Variants in CPPED1 observed in about 807,000 individuals in gnomAD.
CPPED1 encodes serine/threonine-protein phosphatase CPPED1.
CPPED1 carries 28 observed loss-of-function variants against 28.0 expected under a neutral mutation model. The observed-to-expected ratio is 1.00, with a 90% CI of 0.74 to 1.37. CPPED1 has a LOEUF of 1.37. CPPED1 is among the 40% of genes most tolerant of loss of function. The probability of loss-of-function intolerance (pLI) is 0.00; values close to 1 mark genes in which losing one functional copy is unlikely to be tolerated. For synonymous variants in CPPED1, 198 were observed against 180.2 expected (o/e 1.10, Z -0.79); for missense variants, 504 against 416.5 (o/e 1.21, Z -1.83).
At chr16:12,752,778 G>C (rs2080338560) in intron 2 of CPPED1, among the ~76,000 whole-genome samples, 1 of 147,808 alleles carries the variant, frequency 6.8e-6, no homozygotes, top group Non-Finnish European at 1.5e-5. Flanking sequence ...TTTGGAGCTA[G>C]TAGAAATTAT....
intron 2 of CPPED1, among the ~76,000 whole-genome samples, chr16:12,731,235 G>A (rs1345706196): frequency 6.6e-6 from 1 of 150,664 alleles, no homozygotes. Flanking sequence ...CTCACTGCAA[G>A]CTCCACCCCC....
chr16:12,802,997 A>G (rs1449718143), intron 1 of CPPED1, among the ~76,000 whole-genome samples: 1 of 152,234 alleles, frequency 6.6e-6, no homozygotes, highest in Non-Finnish European at 1.5e-5. Context: ...GGAATCAACA[A>G]ACCAGAAACA....
intron 2 of CPPED1, among the ~76,000 whole-genome samples, chr16:12,762,522 A>C (rs1011766048): frequency 1.3e-5 from 2 of 152,218 alleles, no homozygotes; most frequent in African/African-American, 4.8e-5. Context: ...AATATTATTC[A>C]ACAACAGCTA....
chr16:12,741,520 G>A (rs555395352), intron 2 of CPPED1, among the ~76,000 whole-genome samples: 206 of 152,104 alleles, frequency 1.4e-3, no homozygotes, highest in Non-Finnish European at 2.5e-3. Flanking sequence ...GGAATTAGAT[G>A]GACACCATTA....
chr16:12,743,534 A>C (rs993826616), intron 2 of CPPED1, among the ~76,000 whole-genome samples: 2 of 152,242 alleles, frequency 1.3e-5, no homozygotes, highest in Non-Finnish European at 2.9e-5. Flanking sequence ...TTTTAAAATG[A>C]AAAGAAAAAT....
intron 2 of CPPED1, among the ~76,000 whole-genome samples, chr16:12,742,722 T>C (rs997947215): frequency 2.0e-5 from 3 of 152,148 alleles, no homozygotes; most frequent in Admixed American, 2.0e-4. Context: ...AGTTATTTTA[T>C]TATCAGTGGG....
At chr16:12,751,811 T>A (rs996164851) in intron 2 of CPPED1, among the ~76,000 whole-genome samples, 1 of 152,240 alleles carries the variant, frequency 6.6e-6, no homozygotes, top group African/African-American at 2.4e-5. Context: ...CTTTAGACTA[T>A]TTTTGGTGTT....
At chr16:12,738,517 T>C (rs182176491) in intron 2 of CPPED1, among the ~76,000 whole-genome samples, 1 of 152,288 alleles carries the variant, frequency 6.6e-6, no homozygotes. Flanking sequence ...AGTTCACAAA[T>C]GTGTAACTGT....
chr16:12,793,088 T>C (rs942874527), intron 1 of CPPED1, among the ~76,000 whole-genome samples: 1 of 152,336 alleles, frequency 6.6e-6, no homozygotes, highest in Non-Finnish European at 1.5e-5. Context: ...TCTGAGCACC[T>C]GCTCTATGGC....
chr16:12,712,570 T>C (rs1437474445), intron 2 of CPPED1, among the ~76,000 whole-genome samples: 1 of 152,154 alleles, frequency 6.6e-6, no homozygotes, highest in Non-Finnish European at 1.5e-5. Context: ...GAATAGATAA[T>C]ATGTATAGAG....
At chr16:12,673,386 T>C (rs1421363730) in intron 3 of CPPED1, among the ~76,000 whole-genome samples, 1 of 152,262 alleles carries the variant, frequency 6.6e-6, no homozygotes, top group Non-Finnish European at 1.5e-5. Flanking sequence ...ATTATGTTTA[T>C]GAGATTTGGC....
chr16:12,756,390 C>G (rs376688224), intron 2 of CPPED1, among the ~76,000 whole-genome samples: 1 of 152,172 alleles, frequency 6.6e-6, no homozygotes, highest in East Asian at 1.9e-4. Context: ...GCTGTGGCAG[C>G]AGAGATGCAT....
intron 2 of CPPED1, among the ~76,000 whole-genome samples, chr16:12,767,845 T>C (rs933296795): frequency 6.6e-6 from 1 of 151,992 alleles, no homozygotes; most frequent in South Asian, 2.1e-4. Flanking sequence ...TAGTCCCAGT[T>C]ACTTGGGAGG....
chr16:12,691,850 C>T (rs113629475), intron 3 of CPPED1, among the ~76,000 whole-genome samples: 17,885 of 131,920 alleles, frequency 0.14, 2,565 homozygotes, highest in African/African-American at 0.34. Flanking sequence ...CATTAGGAGA[C>T]ATGCCTAATG....
intron 1 of CPPED1, among the ~76,000 whole-genome samples, chr16:12,785,012 CTAATGAGG>C (rs574519771): frequency 1.4e-3 from 209 of 152,312 alleles, no homozygotes; most frequent in African/African-American, 4.8e-3. Context: ...CCTTACTTAT[CTAATGAGG>C]TAATTTGTTT....
At chr16:12,700,237 T>C (rs1288799501) in intron 3 of CPPED1, among the ~76,000 whole-genome samples, 1 of 152,052 alleles carries the variant, frequency 6.6e-6, no homozygotes, top group Admixed American at 6.5e-5. Context: ...CAAGAAGAGG[T>C]AGGTGCCTTT....
intron 2 of CPPED1, among the ~76,000 whole-genome samples, chr16:12,712,424 T>C (rs78907500): frequency 4.3e-4 from 66 of 152,312 alleles, no homozygotes; most frequent in African/African-American, 1.6e-3. Flanking sequence ...CTTCATGATA[T>C]TGAGTGAGCC....
intron 2 of CPPED1, among the ~76,000 whole-genome samples, chr16:12,727,313 G>T (rs2080175400): frequency 6.6e-6 from 1 of 152,148 alleles, no homozygotes; most frequent in Admixed American, 6.6e-5. Flanking sequence ...TATCAAGGAG[G>T]TCCCTAGAAC....
Position 12,664,755 on chromosome 16 carries a change from G to T in CPPED1, c.*131C>A. ...ACAGGGCCCCAGCTCTCTGATTTAT[G>T]CAAAAGGACATAAATTCACAAACCT... On this transcript the variant is annotated 3_prime_UTR_variant, in exon 4 of 4. Coordinates refer to ENST00000381774, the MANE Select transcript of CPPED1 (RefSeq NM_018340.3). This position sits in a 1 kb window ranked among gnomAD's most constrained non-coding sequence, Gnocchi z 4.2. The T allele has an allele frequency of 6.7e-7, 1 of 1,503,138 alleles. No individual in the cohort carries two copies. Among genetic ancestry groups the T allele is most frequent in the Non-Finnish European group, 8.8e-7 (1 of 1,136,936 alleles). The allele number at this position is 1,503,138 out of a possible 1,614,324, so 93.1% of individuals were successfully genotyped here.
Sources: allele counts gnomAD v4.1 joint callset (sites outside exome capture counted in the v4.1 genomes callset), GRCh38; gene constraint gnomAD v4.1.1; non-coding constraint Gnocchi (gnomAD v3.1); transcripts MANE v1.5; gene names NCBI Gene and HGNC (gene_info 2026-07-23, HGNC 2026-07-21).